Variants in ADAM2 observed in about 807,000 individuals in gnomAD.
ADAM2 encodes the protein disintegrin and metalloproteinase domain-containing protein 2.
Under a neutral mutation model 99.3 loss-of-function variants are expected in ADAM2, and 101 were observed. The ratio of observed to expected loss-of-function variants is 1.02; its 90% confidence interval spans 0.87 to 1.20. The LOEUF (loss-of-function observed/expected upper bound fraction) is 1.20. ADAM2 is among the 50% of genes most tolerant of loss of function. The probability of loss-of-function intolerance (pLI) is 0.00; values close to 1 mark genes in which losing one functional copy is unlikely to be tolerated. For missense variants in ADAM2, 948 were observed against 878.7 expected, an observed-to-expected ratio of 1.08 and a Z score of -1.00; for synonymous variants, 323 against 287.6, an observed-to-expected ratio of 1.12 and a Z score of -1.25.
At chr8:39,813,764 C>A (rs1804799795) in intron 6 of ADAM2, among the ~76,000 whole-genome samples, 1 of 150,216 alleles carries the variant, frequency 6.7e-6, no homozygotes, top group Admixed American at 6.6e-5. Context: ...ACACCAGGGC[C>A]TGTTGTGGGG....
At chr8:39,834,153 A>G (rs540036726) in intron 2 of ADAM2, among the ~76,000 whole-genome samples, 154 bp from the exon 3 acceptor site, 1 of 152,280 alleles carries the variant, frequency 6.6e-6, no homozygotes, top group African/African-American at 2.4e-5. Context: ...TTTTAATGGC[A>G]TTTGACATTA....
intron 15 of ADAM2, among the ~76,000 whole-genome samples, chr8:39,758,538 A>G (rs1802236995): frequency 6.6e-6 from 1 of 151,936 alleles, no homozygotes; most frequent in Non-Finnish European, 1.5e-5. Context: ...AAATAAAAAC[A>G]TTAAAAAATA....
At position 39,755,834 on chromosome 8, in the gene ADAM2, T is replaced by A. The variant is rs771634550; in HGVS notation, c.1691A>T (p.Tyr564Phe). 1.9e-6 allele frequency: 3 copies of A among 1,606,554 alleles called. No individual in the cohort carries two copies. The highest frequency in any genetic ancestry group is 4.5e-5 in the East Asian group (2 of 44,780). ...LLQIPRATII[Y>F]ANISGHLCIA... Reference sequence around the variant, plus strand: ...GCAGAGATGTCCACTTATGTTGGCATAAATAATAGTGGCTCTTGGAATTTG... The same window carrying A: ...GCAGAGATGTCCACTTATGTTGGCAAAAATAATAGTGGCTCTTGGAATTTG... The change falls in exon 16 of 21, where the codon TAT becomes TTT. Residue 564 changes from tyrosine (Y) to phenylalanine (F), a missense_variant. Coordinates refer to ENST00000265708, the MANE Select transcript of ADAM2 (RefSeq NM_001464.5).
chr8:39,772,064 A>G (rs917093512), intron 11 of ADAM2, among the ~76,000 whole-genome samples: 7 of 151,422 alleles, frequency 4.6e-5, no homozygotes, highest in African/African-American at 1.7e-4. Flanking sequence ...GTACCCTAGA[A>G]CTTAAAAGTA....
intron 7 of ADAM2, 46 bp downstream of exon 7, chr8:39,809,364 C>G: frequency 1.3e-6 from 1 of 777,190 alleles, no homozygotes; most frequent in Non-Finnish European, 2.2e-6. Context: ...ATTACAATCC[C>G]TCATTGCAAA....
intron 4 of ADAM2, among the ~76,000 whole-genome samples, chr8:39,822,054 A>G (rs780370428): frequency 2.0e-5 from 3 of 152,140 alleles, no homozygotes; most frequent in Non-Finnish European, 4.4e-5. Context: ...CTTTTGCTTT[A>G]TAGTTCATCT....
rs1361377993 is a variant in ADAM2 at position 39,816,416 on chromosome 8, T to G, written c.513+4586A>C. 4.6e-5 allele frequency among the ~76,000 whole-genome samples: 7 copies of G among 152,288 alleles called. 1 individual carries two copies. In the South Asian group the frequency reaches 1.4e-3, roughly 32 times the overall value. On this transcript the variant is annotated intron_variant, in intron 6 of 20. Transcript: ENST00000265708. ...AATAATCTGGCAGCCACTCAAAAGG[T>G]GAAACACAGAGTCTGCGTATGACCT...
chr8:39,795,781 T>C (rs1404873436), intron 7 of ADAM2, among the ~76,000 whole-genome samples: 1 of 152,146 alleles, frequency 6.6e-6, no homozygotes, highest in Non-Finnish European at 1.5e-5. Context: ...TACTTTGTGG[T>C]TCACAAAGTT....
At chr8:39,769,311 G>A in intron 12 of ADAM2, 81 bp downstream of exon 12, 1 of 1,129,256 alleles carries the variant, frequency 8.9e-7, no homozygotes, top group Non-Finnish European at 1.3e-6. Flanking sequence ...GATGAATTAA[G>A]GAAAATGGCA....
chr8:39,752,946 G>A (rs765172473), intron 16 of ADAM2, among the ~76,000 whole-genome samples: 1 of 152,132 alleles, frequency 6.6e-6, no homozygotes, highest in Non-Finnish European at 1.5e-5. Flanking sequence ...CCCAGTTTCA[G>A]GCATGTCTTG....
chr8:39,809,940 C>T (rs1349352138), intron 6 of ADAM2, among the ~76,000 whole-genome samples: 1 of 152,106 alleles, frequency 6.6e-6, no homozygotes, highest in East Asian at 1.9e-4. Flanking sequence ...CAATATTAAC[C>T]TTAAATGCAA....
At chr8:39,784,701 GA>G (rs1803385416) in intron 10 of ADAM2, among the ~76,000 whole-genome samples, 1 of 152,132 alleles carries the variant, frequency 6.6e-6, no homozygotes, top group Non-Finnish European at 1.5e-5. Flanking sequence ...GGCATGTGAT[GA>G]AATAAACAAG....
chr8:39,748,241 T>A (rs1823554354), intron 18 of ADAM2, among the ~76,000 whole-genome samples: 1 of 151,846 alleles, frequency 6.6e-6, no homozygotes, highest in African/African-American at 2.4e-5. Context: ...ACCACGAGAG[T>A]CCTAGAATGT....
At chr8:39,783,271 T>C (rs538054929) in intron 10 of ADAM2, among the ~76,000 whole-genome samples, 21 of 152,302 alleles carry the variant, frequency 1.4e-4, no homozygotes, top group African/African-American at 3.8e-4. Context: ...TACTCTACAT[T>C]AGCAATGTTT....
At chr8:39,816,499 A>G (rs1178762224) in intron 6 of ADAM2, among the ~76,000 whole-genome samples, 1 of 152,180 alleles carries the variant, frequency 6.6e-6, no homozygotes, top group Non-Finnish European at 1.5e-5. Flanking sequence ...CACATAAAAC[A>G]TATATTAATG....
chr8:39,755,390 C>T (rs780729397), intron 16 of ADAM2, among the ~76,000 whole-genome samples: 10 of 152,164 alleles, frequency 6.6e-5, no homozygotes, highest in Non-Finnish European at 1.3e-4. Flanking sequence ...AGAACAGAGT[C>T]TAGGCCAGGT....
chr8:39,773,820 A>G (rs1239975115), intron 11 of ADAM2, among the ~76,000 whole-genome samples: 1 of 151,930 alleles, frequency 6.6e-6, no homozygotes, highest in African/African-American at 2.4e-5. Context: ...AATCTCTTTT[A>G]GAAAGTTATA....
chr8:39,749,529 G>A, intron 17 of ADAM2, 79 bp from the exon 18 acceptor site: 1 of 1,519,946 alleles, frequency 6.6e-7, no homozygotes, highest in East Asian at 2.3e-5. Flanking sequence ...AAAATAATAT[G>A]TAGGTCAGCT....
At chr8:39,786,913 GA>G in intron 10 of ADAM2, 60 bp downstream of exon 10, 1 of 1,231,258 alleles carries the variant, frequency 8.1e-7, no homozygotes, top group Admixed American at 2.6e-5. Context: ...AATTAAATAT[GA>G]AAATGTGTAA....
Sources: allele counts gnomAD v4.1 joint callset (sites outside exome capture counted in the v4.1 genomes callset), GRCh38; gene constraint gnomAD v4.1.1; transcripts MANE v1.5; gene names NCBI Gene and HGNC (gene_info 2026-07-23, HGNC 2026-07-21).